XXYLT1: variants seen among roughly 807,000 people sequenced by gnomAD.
XXYLT1 encodes the protein xyloside xylosyltransferase 1, also known as UDP-xylose:alpha-xyloside alpha-1,3-xylosyltransferase.
A neutral mutation model predicts 28.9 loss-of-function variants in XXYLT1; 20 were observed. The observed-to-expected ratio is 0.69, with a 90% CI of 0.49 to 1.00. XXYLT1 has a LOEUF of 1.00. Ranked by LOEUF, XXYLT1 falls within the 50% of genes least tolerant of loss-of-function variation. XXYLT1 has a pLI of 0.00. For synonymous variants in XXYLT1, 257 were observed against 253.8 expected (o/e 1.01, Z -0.12); for missense variants, 542 against 560.1 (o/e 0.97, Z 0.33).
chr3:195,106,191 A>G (rs912405713), intron 3 of XXYLT1, among the ~76,000 whole-genome samples: 41 of 152,172 alleles, frequency 2.7e-4, no homozygotes, highest in African/African-American at 9.2e-4. Flanking sequence ...TGGAAGCTCA[A>G]TACACTGCCA....
Position 195,074,326 on chromosome 3 carries a change from G to A in XXYLT1, c.786-4215C>T, listed in dbSNP as rs115374234. On this transcript the variant is annotated intron_variant, in intron 3 of 3. Coordinates refer to ENST00000310380, the MANE Select transcript of XXYLT1 (RefSeq NM_152531.5). ...GCCTCGCAAGGCGTACCTCTGGGGC[G>A]TCCTTCAGCCTTGAGAGCAGTCACT... 7.3e-3 allele frequency among the ~76,000 whole-genome samples: 1,110 copies of A among 152,300 alleles called. 11 individuals carry two copies. Among genetic ancestry groups the A allele is most frequent in the South Asian group, 0.013 (63 of 4,812 alleles).
At chr3:195,151,666 CAAT>C (rs534339674) in intron 3 of XXYLT1, among the ~76,000 whole-genome samples, 39 of 151,558 alleles carry the variant, frequency 2.6e-4, no homozygotes, top group African/African-American at 9.4e-4. Flanking sequence ...AAACAATAAA[CAAT>C]AACAATTATT....
intron 1 of XXYLT1, among the ~76,000 whole-genome samples, chr3:195,263,347 A>G (rs975134171): frequency 2.0e-5 from 3 of 152,148 alleles, no homozygotes; most frequent in African/African-American, 7.2e-5. Context: ...CCTGGAATTC[A>G]TGTGTTGGAA....
chr3:195,264,161 TAA>T (rs1725771779), intron 1 of XXYLT1, among the ~76,000 whole-genome samples: 1 of 152,216 alleles, frequency 6.6e-6, no homozygotes, highest in South Asian at 2.1e-4. Flanking sequence ...TGTCCCAGGT[TAA>T]GAGACTGCTT....
intron 3 of XXYLT1, among the ~76,000 whole-genome samples, chr3:195,114,830 G>A (rs1717959533): frequency 6.6e-6 from 1 of 152,240 alleles, no homozygotes; most frequent in Admixed American, 6.5e-5. Flanking sequence ...TACAGGCTTA[G>A]AAAACCAGGG....
chr3:195,159,769 C>G (rs577022251), intron 2 of XXYLT1, among the ~76,000 whole-genome samples: 1 of 152,146 alleles, frequency 6.6e-6, no homozygotes, highest in Non-Finnish European at 1.5e-5. Context: ...CCGATGCTTC[C>G]GTACAATTAC....
At chr3:195,196,980 C>T (rs1381604213) in intron 2 of XXYLT1, among the ~76,000 whole-genome samples, 2 of 152,128 alleles carry the variant, frequency 1.3e-5, no homozygotes, top group Non-Finnish European at 2.9e-5. Flanking sequence ...TGTCAATTAC[C>T]TCACAGCATA....
chr3:195,256,389 G>A lies in XXYLT1; in HGVS notation c.504+14166C>T, dbSNP rs1382487228. The A allele has an allele frequency of 1.4e-6, 1 of 698,528 alleles. No homozygotes were observed. Among genetic ancestry groups the A allele is most frequent in the Non-Finnish European group, 1.8e-6 (1 of 568,166 alleles). The allele number at this position is 698,528 out of a possible 1,614,324, so 43.3% of individuals were successfully genotyped here. A position where few individuals can be genotyped will look rare whatever the true frequency, so the allele number is the denominator to read the frequency against. On this transcript the variant is annotated intron_variant, in intron 1 of 3. Transcript: ENST00000310380. This position sits in a 1 kb window ranked among gnomAD's most constrained non-coding sequence, Gnocchi z 4.2. The stretch of plus-strand genomic sequence containing the variant: ...CCTGAGACAGCTCTGGTCATTCCAA[G>A]TCCCTCGCCCTCATGCTCCGCGCAG...
rs149117228 is a variant in XXYLT1 at position 195,141,696 on chromosome 3, G to A, written c.785+14753C>T. ...AATCTCAGAACCCTTGCCAGCCAGC[G>A]CCAGCCAGCCAATGCTCTGGGAATC... On this transcript the variant is annotated intron_variant, in intron 3 of 3. Transcript: ENST00000310380. Among the ~76,000 whole-genome samples, 107 of 152,236 alleles carry A rather than the reference G, an allele frequency of 7.0e-4. 2 individuals carry two copies. The highest frequency in any genetic ancestry group is 5.6e-3 in the South Asian group (27 of 4,830).
Position 195,088,013 on chromosome 3 carries a change from C to T in XXYLT1, c.786-17902G>A, listed in dbSNP as rs140287680. Among the ~76,000 whole-genome samples the T allele has an allele frequency of 8.5e-3, 1,278 of 150,998 alleles. 24 individuals are homozygous for T. The highest frequency in any genetic ancestry group is 0.029 in the African/African-American group (1,186 of 40,290). The stretch of plus-strand genomic sequence containing the variant: ...AACGGCGCACCACGAGATTACATCC[C>T]GCACCTGGCTCGGAGGGTCCTACCC... On this transcript the variant is annotated intron_variant, in intron 3 of 3. Transcript: ENST00000310380.
chr3:195,172,309 G>A (rs1005496964), intron 2 of XXYLT1, among the ~76,000 whole-genome samples: 4 of 152,166 alleles, frequency 2.6e-5, no homozygotes, highest in African/African-American at 7.2e-5. Flanking sequence ...GATGCTGCTC[G>A]AAGTGTTTCG....
chr3:195,118,581 CA>C (rs530607424), intron 3 of XXYLT1, among the ~76,000 whole-genome samples: 1,177 of 91,286 alleles, frequency 0.013, 9 homozygotes, highest in Middle Eastern at 0.045. Flanking sequence ...TGGGCTGCAG[CA>C]GGGGCACTGG....
rs779805397 is a variant in XXYLT1 at position 195,156,489 on chromosome 3, C to T, written c.745G>A (p.Ala249Thr). 19 of 1,614,076 alleles carry T rather than the reference C, an allele frequency of 1.2e-5. No homozygotes were observed. In the Admixed American group the frequency reaches 2.2e-4, roughly 18 times the overall value. ...FEEFDSFLPG[A>T]IIGIAREMQP... ...ATCTCCCGGGCTATGCCGATGATGG[C>T]GCCTGGCAGGAAACTGTCAAATTCC... Residue 249 changes from alanine to threonine, a missense_variant, in exon 3 of 4, where the codon GCC (alanine) becomes ACC (threonine). By Grantham distance (58) the Ala-to-Thr change is moderately conservative. Coordinates refer to ENST00000310380, the MANE Select transcript of XXYLT1 (RefSeq NM_152531.5).
At chr3:195,244,775 A>C (rs1334270198) in intron 1 of XXYLT1, among the ~76,000 whole-genome samples, 19 of 150,770 alleles carry the variant, frequency 1.3e-4, no homozygotes, top group African/African-American at 4.6e-4. Context: ...AAAAAAAAAA[A>C]AAAAAAAAAC....
In XXYLT1 at chr3:195,129,342, C is replaced by T. The variant is rs1184614424; in HGVS notation, c.785+27107G>A. On this transcript the variant is annotated intron_variant, in intron 3 of 3. Coordinates refer to ENST00000310380, the MANE Select transcript of XXYLT1 (RefSeq NM_152531.5). The surrounding 1 kb of genome is among the most constrained non-coding windows in gnomAD (Gnocchi z 4.4). ...CTCACAGAGTTGTGTAACTATGACA[C>T]AATTTTAGAATATTTTCATCACCTC... Among the ~76,000 whole-genome samples, 1 of 152,182 alleles carries T rather than the reference C, an allele frequency of 6.6e-6. No homozygotes were observed. Among genetic ancestry groups the T allele is most frequent in the Non-Finnish European group, 1.5e-5 (1 of 68,042 alleles).
intron 2 of XXYLT1, among the ~76,000 whole-genome samples, chr3:195,215,807 C>T (rs1577157760): frequency 6.6e-6 from 1 of 152,192 alleles, no homozygotes; most frequent in East Asian, 1.9e-4. Flanking sequence ...GAACTCAGCT[C>T]TGCACCAAGC....
At chr3:195,259,466 GGGAA>G in intron 1 of XXYLT1, 1 of 562,820 alleles carries the variant, frequency 1.8e-6, no homozygotes, top group African/African-American at 2.0e-5. Flanking sequence ...AGCCCTGGAT[GGGAA>G]GGCTGTGAGG....
chr3:195,223,281 C>G (rs1372907136), intron 2 of XXYLT1, among the ~76,000 whole-genome samples: 1 of 151,976 alleles, frequency 6.6e-6, no homozygotes, highest in Non-Finnish European at 1.5e-5. Context: ...GAAGGATGAC[C>G]CTCATGCTAC....
intron 3 of XXYLT1, among the ~76,000 whole-genome samples, chr3:195,073,181 A>G (rs1714923577): frequency 6.6e-6 from 1 of 152,164 alleles, no homozygotes; most frequent in Admixed American, 6.5e-5. Flanking sequence ...TAGGGTTCCA[A>G]GGAGGTGCGC....
Sources: allele counts gnomAD v4.1 joint callset (sites outside exome capture counted in the v4.1 genomes callset), GRCh38; gene constraint gnomAD v4.1.1; non-coding constraint Gnocchi (gnomAD v3.1); transcripts MANE v1.5; gene names NCBI Gene and HGNC (gene_info 2026-07-23, HGNC 2026-07-21).